NTMT1: variants seen among roughly 807,000 people sequenced by gnomAD.
NTMT1 encodes the protein N-terminal RCC1 methyltransferase.
A neutral mutation model predicts 17.5 loss-of-function variants in NTMT1; 8 were observed. The observed-to-expected ratio is 0.46, with a 90% CI of 0.27 to 0.82. The LOEUF is 0.82. Ranked by LOEUF, NTMT1 falls within the 40% of genes least tolerant of loss-of-function variation. The pLI, the probability that NTMT1 is intolerant of heterozygous loss-of-function variation, is 0.15. For synonymous variants in NTMT1, 128 were observed against 126.8 expected (o/e 1.01, Z -0.06); for missense variants, 221 against 303.5 (o/e 0.73, Z 2.02).
chr9:129,635,202 C>T lies in NTMT1; in HGVS notation c.416-6C>T, dbSNP rs112843113. On this transcript the variant is annotated splice_region_variant and splice_polypyrimidine_tract_variant and intron_variant, in intron 3 of 3. Coordinates refer to ENST00000372483, the MANE Select transcript of NTMT1 (RefSeq NM_014064.4). ...GCCCTGGTAACCTTGCCTCTGCCCT[C>T]CCCAGGCCACCTCACCGATCAGCAC... The T allele has an allele frequency of 3.1e-6, 5 of 1,605,176 alleles. No homozygotes were observed. The African/African-American group carries it at 5.3e-5, about 17-fold the overall frequency.
chr9:129,626,490 A>C (rs919864240), intron 1 of NTMT1, 195 bp downstream of exon 1: 1 of 152,264 alleles, frequency 6.6e-6, no homozygotes, highest in African/African-American at 2.4e-5. Context: ...GGGACTACGG[A>C]GCAGTCCATG....
chr9:129,622,844 A>G (rs1830774661), upstream of NTMT1, among the ~76,000 whole-genome samples: 1 of 152,110 alleles, frequency 6.6e-6, no homozygotes, highest in East Asian at 1.9e-4. Context: ...CCTGGGCCAC[A>G]TGGTGAAACC....
chr9:129,613,012 G>T lies in NTMT1; in HGVS notation c.-55+3834G>T. ...GGCTCTCAGGGAGGGTCCACTCCCA[G>T]CCCCAGCCACTCCACCAAACAGGGC... On this transcript the variant is annotated intron_variant, in intron 1 of 3. Coordinates refer to the NTMT1 transcript ENST00000372486. This position sits in a 1 kb window ranked among gnomAD's most constrained non-coding sequence, Gnocchi z 6.2. 1 of 1,524,608 alleles carries T rather than the reference G, an allele frequency of 6.6e-7. No homozygotes were observed. The allele number at this position is 1,524,608 out of a possible 1,614,324, so 94.4% of individuals were successfully genotyped here. A position where few individuals can be genotyped will look rare whatever the true frequency, so the allele number is the denominator to read the frequency against.
upstream of NTMT1, among the ~76,000 whole-genome samples, chr9:129,622,310 T>A (rs1030181130): frequency 6.6e-6 from 1 of 152,136 alleles, no homozygotes; most frequent in African/African-American, 2.4e-5. Flanking sequence ...CTGGCCAACA[T>A]GGTGAAACCT....
In NTMT1 at chr9:129,627,495, T is replaced by C. The variant is rs953148341; in HGVS notation, c.-55+1200T>C. Reference sequence around the variant, plus strand: ...GTGCCCGGCACTGTGCAAAGCACTTTAAGCTTTTCATATGCACTTTTAATC... The same window carrying C: ...GTGCCCGGCACTGTGCAAAGCACTTCAAGCTTTTCATATGCACTTTTAATC... On this transcript the variant is annotated intron_variant, in intron 1 of 3. Coordinates refer to ENST00000372483, the MANE Select transcript of NTMT1 (RefSeq NM_014064.4). Among the ~76,000 whole-genome samples, 5 of 152,266 alleles carry C rather than the reference T, an allele frequency of 3.3e-5. No individual in the cohort carries two copies. In the South Asian group the frequency reaches 8.3e-4, roughly 25 times the overall value.
At position 129,613,733 on chromosome 9, in the gene NTMT1, C is replaced by T. The variant is rs1476073256; in HGVS notation, c.-55+4555C>T. On this transcript the variant is annotated intron_variant, in intron 1 of 3. Transcript: ENST00000372486. The surrounding 1 kb of genome is among the most constrained non-coding windows in gnomAD (Gnocchi z 6.2). ...GCAACCCCAGGCTCCCCAGCGCCTT[C>T]TGGCTGCCTCCAGAGAAGCCTTGGG... is the stretch of plus-strand genomic sequence containing the variant. The T allele has an allele frequency of 9.1e-7, 1 of 1,094,120 alleles. No homozygotes were observed. Among genetic ancestry groups the T allele is most frequent in the Non-Finnish European group, 1.3e-6 (1 of 768,550 alleles). The allele number at this position is 1,094,120 out of a possible 1,614,324, so 67.8% of individuals were successfully genotyped here. A position where few individuals can be genotyped will look rare whatever the true frequency, so the allele number is the denominator to read the frequency against.
In NTMT1 at chr9:129,618,528, T is replaced by C. The variant is rs111796736; in HGVS notation, c.-55+9350T>C. On this transcript the variant is annotated intron_variant, in intron 1 of 3. Coordinates refer to the NTMT1 transcript ENST00000372486. ...GGACAGATGCGTGGCTGGATGATTA[T>C]GTAGATGGGTATGTAGGTTTGTGGA... Among the ~76,000 whole-genome samples, 1,178 of 152,130 alleles carry C rather than the reference T, an allele frequency of 7.7e-3. 8 individuals are homozygous for C. The highest frequency in any genetic ancestry group is 0.014 in the Non-Finnish European group (958 of 68,018).
chr9:129,635,102 A>T, intron 3 of NTMT1, 106 bp from the exon 4 acceptor site: 1 of 1,361,498 alleles, frequency 7.3e-7, no homozygotes, highest in Non-Finnish European at 1.0e-6. Flanking sequence ...TGCACACAAA[A>T]TGCTGGGCAC....
upstream of NTMT1, among the ~76,000 whole-genome samples, chr9:129,624,798 T>C (rs1830841611): frequency 6.6e-6 from 1 of 152,166 alleles, no homozygotes; most frequent in Admixed American, 6.5e-5. Context: ...CTGGCTAATT[T>C]TGTATTTTTA....
chr9:129,610,254 G>C (rs1252387280), intron 1 of NTMT1, among the ~76,000 whole-genome samples: 1 of 132,560 alleles, frequency 7.5e-6, no homozygotes, highest in African/African-American at 2.9e-5. Flanking sequence ...AGGGGGGAAG[G>C]GGAGGGGTAA....
upstream of NTMT1, among the ~76,000 whole-genome samples, chr9:129,624,869 C>T (rs1830843384): frequency 6.6e-6 from 1 of 152,200 alleles, no homozygotes. Flanking sequence ...CTCAGGTGAT[C>T]CGCCTGCCTT....
chr9:129,620,652 T>G lies in NTMT1; in HGVS notation c.-55+11474T>G. 8.2e-7 allele frequency: 1 copy of G among 1,218,110 alleles called. No homozygotes were observed. The highest frequency in any genetic ancestry group is 1.6e-5 in the African/African-American group (1 of 64,188). The allele number at this position is 1,218,110 out of a possible 1,614,324, so 75.5% of individuals were successfully genotyped here. On this transcript the variant is annotated intron_variant, in intron 1 of 3. Transcript: ENST00000372486. The surrounding 1 kb of genome is among the most constrained non-coding windows in gnomAD (Gnocchi z 5.8). ...GCCGGCTGAGGTGGGGAGGGCATAG[T>G]CCAGCCCCAGGCCATAGTGCCCCGG... is the stretch of plus-strand genomic sequence containing the variant.
At chr9:129,626,367 C>A (rs957079931) in intron 1 of NTMT1, 72 bp downstream of exon 1, 9 of 152,244 alleles carry the variant, frequency 5.9e-5, no homozygotes, top group African/African-American at 1.9e-4. Context: ...CTAACTGTTT[C>A]GGCGCCCTGA....
Position 129,626,282 on chromosome 9 carries a change from A to T in NTMT1, c.-68A>T, listed in dbSNP as rs1447216768. The T allele has an allele frequency of 6.6e-6, 1 of 151,874 alleles. No individual in the cohort carries two copies. Among genetic ancestry groups the T allele is most frequent in the Non-Finnish European group, 1.5e-5 (1 of 68,002 alleles). The allele number at this position is 151,874 out of a possible 1,614,324, so 9.4% of individuals were successfully genotyped here. A position where few individuals can be genotyped will look rare whatever the true frequency, so the allele number is the denominator to read the frequency against. On this transcript the variant is annotated 5_prime_UTR_variant, in exon 1 of 4. Coordinates refer to ENST00000372483, the MANE Select transcript of NTMT1 (RefSeq NM_014064.4). ...CCCATCTTCTTCTCTCGGTCCCGGG[A>T]GCCCCCGCCCGGAGTGAGTAGCGCG...
At chr9:129,612,394 A>G in intron 1 of NTMT1, 2 of 1,613,152 alleles carry the variant, frequency 1.2e-6, no homozygotes, top group Non-Finnish European at 1.7e-6. Flanking sequence ...AGGAGATGGT[A>G]CCCCTTAGGG....
rs1830674004 is a variant in NTMT1 at position 129,620,874 on chromosome 9, C to T, written c.-55+11696C>T. 3.1e-6 allele frequency: 1 copy of T among 324,072 alleles called. No individual in the cohort carries two copies. The highest frequency in any genetic ancestry group is 5.6e-6 in the Non-Finnish European group (1 of 179,106). The allele number at this position is 324,072 out of a possible 1,614,324, so 20.1% of individuals were successfully genotyped here. A position where few individuals can be genotyped will look rare whatever the true frequency, so the allele number is the denominator to read the frequency against. On this transcript the variant is annotated intron_variant, in intron 1 of 3. Coordinates refer to the NTMT1 transcript ENST00000372486. The surrounding 1 kb of genome is among the most constrained non-coding windows in gnomAD (Gnocchi z 5.8). ...ACAGCAAGCTCGGTACAGTGCCAGGCACGCTGGCCAAGCTTACACATAGAC... is the reference window on the plus strand; with the variant it reads ...ACAGCAAGCTCGGTACAGTGCCAGGTACGCTGGCCAAGCTTACACATAGAC...
At chr9:129,616,126 G>A (rs1372584933) in intron 1 of NTMT1, among the ~76,000 whole-genome samples, 1 of 152,194 alleles carries the variant, frequency 6.6e-6, no homozygotes, top group Non-Finnish European at 1.5e-5. Flanking sequence ...CCACCCTACA[G>A]GGTTGTGAAG....
At chr9:129,611,011 G>T (rs1284294856) in intron 1 of NTMT1, among the ~76,000 whole-genome samples, 1 of 152,178 alleles carries the variant, frequency 6.6e-6, no homozygotes, top group African/African-American at 2.4e-5. Context: ...CGGTGGCAGT[G>T]CTGTCTTCTT....
In NTMT1 at chr9:129,614,875, C is replaced by G. The variant is rs890315843; in HGVS notation, c.-55+5697C>G. Among the ~76,000 whole-genome samples the G allele has an allele frequency of 3.3e-5, 5 of 151,966 alleles. No homozygotes were observed. Among genetic ancestry groups the G allele is most frequent in the African/African-American group, 1.2e-4 (5 of 41,338 alleles). Reference sequence around the variant, plus strand: ...CGAGATCGCGCCACTGCACTCCAGCCTGGGCGACAGAGTGAGACTCCGTAT... The same window carrying G: ...CGAGATCGCGCCACTGCACTCCAGCGTGGGCGACAGAGTGAGACTCCGTAT... On this transcript the variant is annotated intron_variant, in intron 1 of 3. Transcript: ENST00000372486. This position sits in a 1 kb window ranked among gnomAD's most constrained non-coding sequence, Gnocchi z 4.4.
Sources: allele counts gnomAD v4.1 joint callset (sites outside exome capture counted in the v4.1 genomes callset), GRCh38; gene constraint gnomAD v4.1.1; non-coding constraint Gnocchi (gnomAD v3.1); transcripts MANE v1.5; gene names NCBI Gene and HGNC (gene_info 2026-07-23, HGNC 2026-07-21).